The following COL25A1 variants were observed in gnomAD, a reference collection of about 807,000 sequenced individuals.
COL25A1 encodes collagen alpha-1(XXV) chain.
A neutral mutation model predicts 128.4 loss-of-function variants in COL25A1; 103 were observed. That is an observed-to-expected ratio of 0.80 (90% CI 0.68 to 0.94). COL25A1 has a LOEUF of 0.94. COL25A1 is among the 40% of genes least tolerant of loss of function. COL25A1 has a pLI of 0.00. For synonymous variants in COL25A1, 279 were observed against 277.2 expected (o/e 1.01, Z -0.06); for missense variants, 745 against 840.0 (o/e 0.89, Z 1.40).
At chr4:109,127,775 C>T (rs956144448) in intron 3 of COL25A1, among the ~76,000 whole-genome samples, 24 of 152,104 alleles carry the variant, frequency 1.6e-4, no homozygotes, top group African/African-American at 5.3e-4. Flanking sequence ...CGTGAGACAA[C>T]GAACCTCGGG....
intron 3 of COL25A1, among the ~76,000 whole-genome samples, chr4:109,260,280 G>A (rs537555742): frequency 6.6e-6 from 1 of 152,290 alleles, no homozygotes; most frequent in East Asian, 1.9e-4. Context: ...AATTTGGAGA[G>A]AGCTACATAG....
At chr4:109,272,603 GAAGTT>G (rs988660099) in intron 3 of COL25A1, among the ~76,000 whole-genome samples, 12 of 152,270 alleles carry the variant, frequency 7.9e-5, no homozygotes, top group Non-Finnish European at 1.5e-4. Context: ...CCATCAAATG[GAAGTT>G]AAGTATGTAC....
intron 3 of COL25A1, 25 bp from the exon 4 acceptor site, chr4:109,050,204 T>C: frequency 1.3e-6 from 2 of 1,590,336 alleles, no homozygotes; most frequent in South Asian, 2.3e-5. Flanking sequence ...ATAATTTTTT[T>C]AGTGTAGTTT....
At chr4:109,243,140 C>T (rs1299847888) in intron 3 of COL25A1, among the ~76,000 whole-genome samples, 1 of 152,074 alleles carries the variant, frequency 6.6e-6, no homozygotes, top group African/African-American at 2.4e-5. Context: ...TAATATTAAA[C>T]TATTTGAATC....
chr4:109,009,750 A>C (rs780949265), intron 6 of COL25A1, among the ~76,000 whole-genome samples: 3 of 152,186 alleles, frequency 2.0e-5, no homozygotes, highest in Non-Finnish European at 4.4e-5. Context: ...AGTTTCTCGT[A>C]CTGACTTTTC....
At chr4:108,946,417 C>G (rs2125936941) in intron 8 of COL25A1, among the ~76,000 whole-genome samples, 1 of 152,360 alleles carries the variant, frequency 6.6e-6, no homozygotes, top group East Asian at 1.9e-4. Flanking sequence ...AAATTCAATT[C>G]AGGTCTTCTG....
Position 108,892,384 on chromosome 4 carries a change from A to G in COL25A1, c.907-2651T>C, listed in dbSNP as rs1741613343. Among the ~76,000 whole-genome samples the G allele has an allele frequency of 2.0e-5, 3 of 152,190 alleles. No homozygotes were observed. The South Asian group carries it at 6.2e-4, about 32-fold the overall frequency. Reference sequence around the variant, plus strand: ...TTCAAAACAACACTCAGATAATTATATGTGTGTGTTAATAAGGCACATGTG... The same window carrying G: ...TTCAAAACAACACTCAGATAATTATGTGTGTGTGTTAATAAGGCACATGTG... On this transcript the variant is annotated intron_variant, in intron 16 of 37. Transcript: ENST00000399132.
intron 5 of COL25A1, among the ~76,000 whole-genome samples, chr4:109,026,403 T>C (rs968561251): frequency 6.6e-6 from 1 of 152,190 alleles, no homozygotes; most frequent in Non-Finnish European, 1.5e-5. Context: ...TTGGAATTTG[T>C]ATTGTAATTG....
intron 3 of COL25A1, among the ~76,000 whole-genome samples, chr4:109,245,694 C>G (rs1358667195): frequency 6.6e-6 from 1 of 152,014 alleles, no homozygotes; most frequent in African/African-American, 2.4e-5. Flanking sequence ...TGATTGTTTA[C>G]AAAAACTACA....
chr4:109,125,838 C>T (rs368418434), intron 3 of COL25A1, among the ~76,000 whole-genome samples: 45 of 152,124 alleles, frequency 3.0e-4, no homozygotes, highest in African/African-American at 9.9e-4. Context: ...ATGATTTCAA[C>T]ATCAAGTAAA....
intron 3 of COL25A1, among the ~76,000 whole-genome samples, chr4:109,138,137 G>C (rs1416400530): frequency 6.6e-6 from 1 of 151,868 alleles, no homozygotes. Flanking sequence ...CCCTCCCTTT[G>C]CTCCCATCCC....
intron 3 of COL25A1, among the ~76,000 whole-genome samples, chr4:109,149,834 T>C (rs1277783821): frequency 6.6e-6 from 1 of 152,202 alleles, no homozygotes; most frequent in African/African-American, 2.4e-5. Context: ...CAGGATTAGA[T>C]GAATGATAAT....
At chr4:109,151,152 C>T (rs1415309466) in intron 3 of COL25A1, among the ~76,000 whole-genome samples, 1 of 151,582 alleles carries the variant, frequency 6.6e-6, no homozygotes, top group Non-Finnish European at 1.5e-5. Flanking sequence ...ATATAAAATG[C>T]ACCTAAATTG....
chr4:109,012,057 G>C (rs924011446), intron 5 of COL25A1, among the ~76,000 whole-genome samples: 1 of 152,206 alleles, frequency 6.6e-6, no homozygotes, highest in African/African-American at 2.4e-5. Context: ...CTGTTGCCCA[G>C]GCAGGAGTGT....
chr4:109,182,393 T>C (rs902532747), intron 3 of COL25A1, among the ~76,000 whole-genome samples: 11 of 152,134 alleles, frequency 7.2e-5, no homozygotes, highest in African/African-American at 2.7e-4. Flanking sequence ...AGGAAGCATG[T>C]CAAGAGAGTC....
intron 3 of COL25A1, among the ~76,000 whole-genome samples, chr4:109,090,391 C>G (rs1764789416): frequency 1.3e-5 from 2 of 152,098 alleles, no homozygotes; most frequent in South Asian, 4.1e-4. Context: ...TGGTAAATGA[C>G]TTTTCATCTT....
intron 13 of COL25A1, among the ~76,000 whole-genome samples, chr4:108,904,312 GTATACATATACACA>G (rs1743202840): frequency 6.6e-6 from 1 of 151,990 alleles, no homozygotes; most frequent in Admixed American, 6.6e-5. Flanking sequence ...ATACATACAT[GTATACATATACACA>G]TATACATATA....
chr4:108,978,347 T>C (rs975331069), intron 6 of COL25A1, among the ~76,000 whole-genome samples: 1 of 152,218 alleles, frequency 6.6e-6, no homozygotes, highest in Non-Finnish European at 1.5e-5. Context: ...AATCCCACTC[T>C]TCCTTCCGAA....
chr4:108,990,137 GGGAGGCAGA>G (rs1290334956), intron 6 of COL25A1, among the ~76,000 whole-genome samples: 5 of 141,656 alleles, frequency 3.5e-5, no homozygotes, highest in African/African-American at 1.3e-4. Flanking sequence ...GCTTGAATCC[GGGAGGCAGA>G]GGTTGCAGTG....
Sources: allele counts gnomAD v4.1 joint callset (sites outside exome capture counted in the v4.1 genomes callset), GRCh38; gene constraint gnomAD v4.1.1; transcripts MANE v1.5; gene names NCBI Gene and HGNC (gene_info 2026-07-23, HGNC 2026-07-21).